Variants in ANKRD24 observed in about 807,000 individuals in gnomAD.
The protein encoded by ANKRD24 is ankyrin repeat domain 24.
A neutral mutation model predicts 127.8 loss-of-function variants in ANKRD24; 109 were observed. That is an observed-to-expected ratio of 0.85 (90% CI 0.73 to 1.00). The LOEUF (loss-of-function observed/expected upper bound fraction) is 1.00. ANKRD24 is among the 50% of genes least tolerant of loss of function. The pLI is 0.00. For missense variants in ANKRD24, 1,648 were observed against 1,570.2 expected (o/e 1.05, Z -0.84); for synonymous variants, 743 against 671.1 (o/e 1.11, Z -1.66).
chr19:4,207,105 T>TTG, intron 7 of ANKRD24, 137 bp from the exon 8 acceptor site: 28 of 457,534 alleles, frequency 6.1e-5, no homozygotes, highest in South Asian at 2.0e-4. Flanking sequence ...TTTTTTTTTG[T>TTG]AGAGACAGGG....
rs1433916041 is a variant in ANKRD24, at chr19:4,199,505, C to T, written c.37-178C>T. ...GGGACTACAGGCGTGAGCCTCCATG[C>T]TCAGCCCAGGGGACAACGTTTTGGA... is the stretch of plus-strand genomic sequence containing the variant. On this transcript the variant is annotated intron_variant, in intron 2 of 21. Transcript: ENST00000318934. This position sits in a 1 kb window ranked among gnomAD's most constrained non-coding sequence, Gnocchi z 5.2. 2.0e-6 allele frequency: 2 copies of T among 985,344 alleles called. No individual in the cohort carries two copies. The highest frequency in any genetic ancestry group is 2.4e-6 in the Non-Finnish European group (2 of 829,932). The allele number at this position is 985,344 out of a possible 1,614,324, so 61.0% of individuals were successfully genotyped here. A position where few individuals can be genotyped will look rare whatever the true frequency, so the allele number is the denominator to read the frequency against.
intron 2 of ANKRD24, among the ~76,000 whole-genome samples, chr19:4,193,866 A>AGGAAGGAT (rs1968543284): frequency 7.8e-6 from 1 of 127,484 alleles, no homozygotes; most frequent in Non-Finnish European, 1.7e-5. Flanking sequence ...GAAGGAAGGA[A>AGGAAGGAT]GGAAGGAAGG....
chr19:4,212,555 A>C, intron 14 of ANKRD24, 42 bp downstream of exon 14: 2 of 1,548,328 alleles, frequency 1.3e-6, no homozygotes, highest in Non-Finnish European at 8.7e-7. Context: ...CCTGCTGCCC[A>C]GCCTTTCCTC....
chr19:4,185,206 G>A (rs1422831865), intron 1 of ANKRD24, among the ~76,000 whole-genome samples: 2 of 151,022 alleles, frequency 1.3e-5, no homozygotes, highest in Non-Finnish European at 3.0e-5. Flanking sequence ...ATGAATGGTG[G>A]GAGTTGGTAG....
chr19:4,213,214 C>CCTTCTCCTTCCTTCCTTCT (rs1969849132), intron 15 of ANKRD24, among the ~76,000 whole-genome samples: 1 of 150,376 alleles, frequency 6.6e-6, no homozygotes, highest in African/African-American at 2.5e-5. Context: ...TCCTTTCTTC[C>CCTTCTCCTTCCTTCCTTCT]CCTTCTCCTT....
chr19:4,183,747 C>T (rs764818092), intron 1 of ANKRD24, among the ~76,000 whole-genome samples: 1 of 152,124 alleles, frequency 6.6e-6, no homozygotes, highest in South Asian at 2.1e-4. Flanking sequence ...AACCCCGTCT[C>T]TACTAAAAAT....
At chr19:4,223,372 C>CATATATATATAT (rs59994305) in intron 20 of ANKRD24, among the ~76,000 whole-genome samples, 2 of 72,916 alleles carry the variant, frequency 2.7e-5, no homozygotes, top group African/African-American at 7.0e-5. Context: ...CCTGGCCATA[C>CATATATATATAT]ATATATATAT....
chr19:4,205,415 G>A (rs1969328618), intron 7 of ANKRD24, among the ~76,000 whole-genome samples: 1 of 152,216 alleles, frequency 6.6e-6, no homozygotes, highest in East Asian at 1.9e-4. Context: ...TGCTTAATCA[G>A]ACTGGATGTC....
chr19:4,215,465 C>CA lies in ANKRD24; in HGVS notation c.1198-497dup, dbSNP rs61437900. 9.5e-3 allele frequency among the ~76,000 whole-genome samples: 1,115 copies of CA among 116,868 alleles called. 10 individuals carry two copies. Among genetic ancestry groups the CA allele is most frequent in the African/African-American group, 0.024 (674 of 28,632 alleles). The allele number at this position is 116,868 out of a possible 152,430, so 76.7% of individuals were successfully genotyped here. A position where few individuals can be genotyped will look rare whatever the true frequency, so the allele number is the denominator to read the frequency against. On this transcript the variant is annotated intron_variant, in intron 15 of 21. Transcript: ENST00000318934. The stretch of plus-strand genomic sequence containing the variant: ...GTGCCATGGCACTCCAGCCTGGGGG[C>CA]AAAAAAAAAAAAAAAATAGGGCCAG...
At chr19:4,215,855 G>C in intron 15 of ANKRD24, 123 bp from the exon 16 acceptor site, 1 of 710,944 alleles carries the variant, frequency 1.4e-6, no homozygotes, top group South Asian at 1.9e-5. Context: ...GCCAAATGCA[G>C]CCATCTGGTG....
At position 4,210,100 on chromosome 19, in the gene ANKRD24, C is replaced by T. The variant is rs1378320340; in HGVS notation, c.913C>T (p.Arg305Trp). ...TGGAAAGCAGGGGGCCCCCAAGAAG[C>T]GGAAGGCGCCTCCACCTCCCGCCAG... ...SHGKQGAPKKRKAPPPPASIP... is the reference protein window; with the variant it reads ...SHGKQGAPKKWKAPPPPASIP... Residue 305 changes from arginine (R) to tryptophan (W), a missense_variant, in exon 12 of 22, where the codon CGG becomes TGG. Physicochemically the swap from Arg to Trp is moderately radical, Grantham distance 101. Coordinates refer to ENST00000318934, the MANE Select transcript of ANKRD24 (RefSeq NM_001393985.1). The T allele has an allele frequency of 3.7e-6, 6 of 1,612,070 alleles. No homozygotes were observed. In the East Asian group the frequency reaches 6.7e-5, roughly 18 times the overall value.
intron 9 of ANKRD24, 53 bp from the exon 10 acceptor site, chr19:4,207,728 C>A: frequency 6.3e-7 from 1 of 1,576,242 alleles, no homozygotes. Context: ...CTGAGGTGGG[C>A]ATGGGGGCTT....
chr19:4,193,297 CAA>C (rs71166975), intron 2 of ANKRD24, among the ~76,000 whole-genome samples: 6 of 90,724 alleles, frequency 6.6e-5, no homozygotes, highest in Non-Finnish European at 1.0e-4. Flanking sequence ...GCGACTCCAT[CAA>C]AAAAAAAAAA....
Position 4,217,231 on chromosome 19 carries a change from G to A in ANKRD24, c.2071G>A (p.Gly691Ser), listed in dbSNP as rs1207517572. 4 of 1,598,928 alleles carry A rather than the reference G, an allele frequency of 2.5e-6. No individual in the cohort carries two copies. The highest frequency in any genetic ancestry group is 2.6e-6 in the Non-Finnish European group (3 of 1,172,468). ...GMESTGVSAT[G>S]VENPGVEATV... ...GGAATCCACAGGAGTCAGTGCCACAGGTGTGGAGAACCCAGGGGTAGAGGC... is the reference window on the plus strand; with the variant it reads ...GGAATCCACAGGAGTCAGTGCCACAAGTGTGGAGAACCCAGGGGTAGAGGC... The change falls in exon 18 of 22, where the codon GGT (glycine) becomes AGT (serine). Residue 691 changes from glycine (G) to serine (S), a missense_variant. Transcript: ENST00000318934.
intron 2 of ANKRD24, among the ~76,000 whole-genome samples, chr19:4,197,876 G>C (rs932558476): frequency 6.6e-6 from 1 of 151,852 alleles, no homozygotes; most frequent in Non-Finnish European, 1.5e-5. Flanking sequence ...TGAACGAGTG[G>C]GTGAACGAAT....
chr19:4,192,386 T>G (rs1968434839), intron 2 of ANKRD24, among the ~76,000 whole-genome samples: 1 of 150,342 alleles, frequency 6.7e-6, no homozygotes, highest in Non-Finnish European at 1.5e-5. Context: ...ATGCATTTTT[T>G]TTTTTTCAGA....
At chr19:4,207,660 A>G (rs376718417) in intron 9 of ANKRD24, 53 bp downstream of exon 9, 41 of 1,605,890 alleles carry the variant, frequency 2.6e-5, no homozygotes, top group Middle Eastern at 1.6e-4. Flanking sequence ...ACCTTCGGCA[A>G]GACTTAACCT....
In ANKRD24 at chr19:4,217,901, TGCC is replaced by T; in HGVS notation, c.2743_2745del (p.Pro915del). ...TCCGAGGCCCTCCGCCAGTCCGTGG[TGCC>T]GGCCTCTGAGCACCGCCGGCTGCAG... is the stretch of plus-strand genomic sequence containing the variant. On this transcript the variant is annotated inframe_deletion, in exon 18 of 22. Transcript: ENST00000318934. 6.7e-7 allele frequency: 1 copy of T among 1,481,968 alleles called. No homozygotes were observed. The highest frequency in any genetic ancestry group is 8.9e-7 in the Non-Finnish European group (1 of 1,123,620). The allele number at this position is 1,481,968 out of a possible 1,614,324, so 91.8% of individuals were successfully genotyped here. A position where few individuals can be genotyped will look rare whatever the true frequency, so the allele number is the denominator to read the frequency against.
chr19:4,189,874 C>A (rs1398375957), intron 2 of ANKRD24, among the ~76,000 whole-genome samples: 1 of 152,086 alleles, frequency 6.6e-6, no homozygotes, highest in Non-Finnish European at 1.5e-5. Context: ...GGAAGTGAGA[C>A]ACAAGCCTTC....
Sources: gnomAD v4.1 joint callset for allele counts (sites outside exome capture counted in the v4.1 genomes callset) on GRCh38, gnomAD v4.1.1 for gene constraint, Gnocchi (gnomAD v3.1) non-coding constraint, MANE v1.5 for transcripts, NCBI Gene and HGNC (gene_info 2026-07-23, HGNC 2026-07-21) for gene names.